The following ANKRD13C variants were observed in gnomAD, a reference collection of about 807,000 sequenced individuals.
The protein encoded by ANKRD13C is ankyrin repeat domain-containing protein 13C.
In ANKRD13C, 16 loss-of-function variants were observed where a neutral mutation model predicts 65.5. That is an observed-to-expected ratio of 0.24 (90% CI 0.17 to 0.37). ANKRD13C has a LOEUF of 0.37. ANKRD13C is among the 10% of genes least tolerant of loss of function. The pLI is 1.00. For missense variants in ANKRD13C, 503 were observed against 655.9 expected, an observed-to-expected ratio of 0.77 and a Z score of 2.55; for synonymous variants, 235 against 238.7, an observed-to-expected ratio of 0.98 and a Z score of 0.14.
intron 1 of ANKRD13C, among the ~76,000 whole-genome samples, chr1:70,348,128 A>G (rs1682605608): frequency 6.6e-6 from 1 of 152,110 alleles, no homozygotes; most frequent in African/African-American, 2.4e-5. Context: ...ATTACATATT[A>G]TTCTTTTGTA....
chr1:70,299,116 G>A (rs1436501216), intron 7 of ANKRD13C, among the ~76,000 whole-genome samples: 1 of 152,158 alleles, frequency 6.6e-6, no homozygotes, highest in Non-Finnish European at 1.5e-5. Flanking sequence ...CATTTGGTGG[G>A]AGAGAAAGTA....
intron 10 of ANKRD13C, among the ~76,000 whole-genome samples, chr1:70,275,688 G>A (rs957075393): frequency 7.2e-5 from 11 of 152,030 alleles, no homozygotes; most frequent in South Asian, 6.2e-4. Context: ...AAGGTCAGGC[G>A]CAGTGGCTCA....
At chr1:70,348,647 A>G (rs1026690059) in intron 1 of ANKRD13C, among the ~76,000 whole-genome samples, 1 of 152,184 alleles carries the variant, frequency 6.6e-6, no homozygotes, top group Admixed American at 6.6e-5. Flanking sequence ...TGAGGCAGAG[A>G]TTTTACACAT....
intron 10 of ANKRD13C, among the ~76,000 whole-genome samples, chr1:70,276,058 T>A (rs1203322706): frequency 1.4e-5 from 2 of 143,582 alleles, no homozygotes; most frequent in Non-Finnish European, 3.1e-5. Context: ...GAAAAAAAAA[T>A]GACAACTTCT....
intron 7 of ANKRD13C, among the ~76,000 whole-genome samples, chr1:70,297,891 T>C (rs1317472639): frequency 7.0e-6 from 1 of 143,776 alleles, no homozygotes; most frequent in African/African-American, 2.6e-5. Flanking sequence ...CACTCCAGCC[T>C]GGAGACAGAG....
chr1:70,309,503 G>T (rs1160477942), intron 5 of ANKRD13C, among the ~76,000 whole-genome samples: 1 of 150,348 alleles, frequency 6.7e-6, no homozygotes. Context: ...TGGATCACGA[G>T]GTGAGAAGAT....
At chr1:70,288,012 C>G (rs1679697272) in intron 9 of ANKRD13C, among the ~76,000 whole-genome samples, 1 of 151,926 alleles carries the variant, frequency 6.6e-6, no homozygotes, top group African/African-American at 2.4e-5. Flanking sequence ...ACAGTGAGAC[C>G]ATGTCTCAGA....
chr1:70,314,407 T>A (rs1680985634), intron 4 of ANKRD13C, among the ~76,000 whole-genome samples: 1 of 151,632 alleles, frequency 6.6e-6, no homozygotes, highest in Non-Finnish European at 1.5e-5. Context: ...TAATTTTTAG[T>A]ACAGATGGAG....
At chr1:70,270,397 A>C (rs1678826204) in intron 12 of ANKRD13C, among the ~76,000 whole-genome samples, 1 of 152,210 alleles carries the variant, frequency 6.6e-6, no homozygotes, top group Non-Finnish European at 1.5e-5. Context: ...TTACTGAAAA[A>C]CTTTACGAAA....
intron 2 of ANKRD13C, among the ~76,000 whole-genome samples, chr1:70,332,560 G>A (rs940425994): frequency 6.6e-6 from 1 of 152,070 alleles, no homozygotes; most frequent in East Asian, 1.9e-4. Flanking sequence ...TCTGCCTCTG[G>A]GTTCAAGTGA....
At chr1:70,297,462 T>A (rs1182414500) in intron 7 of ANKRD13C, among the ~76,000 whole-genome samples, 3 of 149,960 alleles carry the variant, frequency 2.0e-5, no homozygotes, top group Admixed American at 6.6e-5. Flanking sequence ...CCCGGCTAAT[T>A]TTTTTATTTT....
intron 9 of ANKRD13C, among the ~76,000 whole-genome samples, chr1:70,282,345 G>A (rs1024970502): frequency 1.5e-4 from 23 of 151,892 alleles, no homozygotes; most frequent in Middle Eastern, 3.4e-3. Flanking sequence ...ATGAGACACC[G>A]CGCCCGGCAA....
At chr1:70,344,287 T>G (rs1250839581) in intron 1 of ANKRD13C, among the ~76,000 whole-genome samples, 2 of 102,676 alleles carry the variant, frequency 1.9e-5, no homozygotes, top group Non-Finnish European at 4.0e-5. Context: ...CAGAGCAAGA[T>G]TCCATCTCAA....
Position 70,354,415 on chromosome 1 carries a change from C to G in ANKRD13C, c.-7G>C. 1 of 1,608,656 alleles carries G rather than the reference C, an allele frequency of 6.2e-7. No homozygotes were observed. Among genetic ancestry groups the G allele is most frequent in the East Asian group, 2.2e-5 (1 of 44,766 alleles). ...GGATCTTCTCCCCGGTCATCGCCGC[C>G]GCCAGGGGCAAGGGGGGGAATCGGG... On this transcript the variant is annotated 5_prime_UTR_variant, in exon 1 of 13. Transcript: ENST00000370944.
chr1:70,275,293 G>A (rs1240256197), intron 10 of ANKRD13C, among the ~76,000 whole-genome samples: 2 of 152,052 alleles, frequency 1.3e-5, no homozygotes, highest in Non-Finnish European at 1.5e-5. Context: ...GCTTTTATTT[G>A]CAACTCTAGC....
At chr1:70,333,101 C>T (rs370245792) in intron 2 of ANKRD13C, among the ~76,000 whole-genome samples, 1 of 152,064 alleles carries the variant, frequency 6.6e-6, no homozygotes, top group African/African-American at 2.4e-5. Context: ...GATTTTAGAG[C>T]CAGGCACTCC....
At position 70,316,364 on chromosome 1, in the gene ANKRD13C, C is replaced by CT. The variant is rs556438236; in HGVS notation, c.578-799dup. ...TTACTACTTAATTTCTCTAAACTTC[C>CT]TTTTTTTTTCCTCTCCTTTGTCAAG... is the stretch of plus-strand genomic sequence containing the variant. On this transcript the variant is annotated intron_variant, in intron 3 of 12. Coordinates refer to ENST00000370944, the MANE Select transcript of ANKRD13C (RefSeq NM_030816.5). Among the ~76,000 whole-genome samples, 1,149 of 151,234 alleles carry CT rather than the reference C, an allele frequency of 7.6e-3. 15 individuals carry two copies. Among genetic ancestry groups the CT allele is most frequent in the African/African-American group, 0.026 (1,069 of 41,256 alleles).
chr1:70,328,056 C>T (rs1681623381), intron 2 of ANKRD13C, among the ~76,000 whole-genome samples: 1 of 151,480 alleles, frequency 6.6e-6, no homozygotes, highest in African/African-American at 2.4e-5. Flanking sequence ...AAAACACAAA[C>T]AAATAAAACA....
chr1:70,352,779 GA>G (rs1682802269), intron 1 of ANKRD13C, among the ~76,000 whole-genome samples: 1 of 152,190 alleles, frequency 6.6e-6, no homozygotes, highest in South Asian at 2.1e-4. Flanking sequence ...ATGTAGGAAA[GA>G]AAAACTGGCT....
Sources: allele counts gnomAD v4.1 joint callset (sites outside exome capture counted in the v4.1 genomes callset), GRCh38; gene constraint gnomAD v4.1.1; transcripts MANE v1.5; gene names NCBI Gene and HGNC (gene_info 2026-07-23, HGNC 2026-07-21).